SYT16: variants seen among roughly 807,000 people sequenced by gnomAD.
SYT16 encodes the protein synaptotagmin-16.
Under a neutral mutation model 61.4 loss-of-function variants are expected in SYT16, and 42 were observed. The ratio of observed to expected loss-of-function variants is 0.68; its 90% CI spans 0.53 to 0.89. The LOEUF (loss-of-function observed/expected upper bound fraction) is 0.89, where lower values mean the gene tolerates loss of function less well. Ranked by LOEUF, SYT16 falls within the 40% of genes least tolerant of loss-of-function variation. SYT16 has a pLI of 0.00. For missense variants in SYT16, 804 were observed against 807.3 expected (o/e 1.00, Z 0.05); for synonymous variants, 314 against 302.3 (o/e 1.04, Z -0.40).
chr14:62,065,504 G>GA (rs1057264521), intron 3 of SYT16, among the ~76,000 whole-genome samples: 26 of 151,718 alleles, frequency 1.7e-4, no homozygotes, highest in Non-Finnish European at 3.1e-4. Context: ...ATGGCTCACT[G>GA]AAAAAAAATC....
chr14:62,078,522 A>T (rs946127533), intron 5 of SYT16, among the ~76,000 whole-genome samples: 3 of 152,220 alleles, frequency 2.0e-5, no homozygotes, highest in African/African-American at 7.2e-5. Context: ...AAAAAAGCAG[A>T]GCCTACGTAA....
intron 3 of SYT16, among the ~76,000 whole-genome samples, chr14:62,003,326 C>T (rs955209886): frequency 2.6e-5 from 4 of 152,022 alleles, no homozygotes; most frequent in African/African-American, 7.2e-5. Flanking sequence ...TGAAGAACTT[C>T]TAAGTGGGCT....
intron 1 of SYT16, among the ~76,000 whole-genome samples, chr14:61,837,796 C>T (rs1343688383): frequency 6.6e-6 from 1 of 152,210 alleles, no homozygotes; most frequent in African/African-American, 2.4e-5. Context: ...ACCTTGTGGC[C>T]ATGTTTGGGA....
chr14:61,978,752 T>C (rs769549225), intron 2 of SYT16, among the ~76,000 whole-genome samples: 6 of 152,176 alleles, frequency 3.9e-5, no homozygotes, highest in Non-Finnish European at 7.3e-5. Context: ...CATCTGGTGG[T>C]TTCTCCACCT....
intron 5 of SYT16, among the ~76,000 whole-genome samples, chr14:62,078,176 C>T (rs1026497392): frequency 6.9e-5 from 10 of 145,448 alleles, no homozygotes; most frequent in Admixed American, 1.4e-4. Flanking sequence ...TATATAAACA[C>T]ACACACACAC....
intron 3 of SYT16, among the ~76,000 whole-genome samples, chr14:62,003,066 G>T (rs2053085138): frequency 6.6e-6 from 1 of 152,082 alleles, no homozygotes; most frequent in East Asian, 1.9e-4. Context: ...CCCACCACAT[G>T]TGGGGATTAT....
chr14:62,068,954 C>A (rs982646854), intron 3 of SYT16, among the ~76,000 whole-genome samples: 6 of 152,068 alleles, frequency 3.9e-5, no homozygotes, highest in African/African-American at 1.4e-4. Flanking sequence ...TGACACCGTG[C>A]CTGGCTAATT....
intron 1 of SYT16, among the ~76,000 whole-genome samples, chr14:61,926,948 C>G (rs1292690814): frequency 6.6e-6 from 1 of 152,054 alleles, no homozygotes; most frequent in Non-Finnish European, 1.5e-5. Flanking sequence ...TTCTTTTTTA[C>G]TTAGGTGAAA....
At chr14:61,923,366 T>C (rs2049414090) in intron 1 of SYT16, among the ~76,000 whole-genome samples, 1 of 152,240 alleles carries the variant, frequency 6.6e-6, no homozygotes, top group Non-Finnish European at 1.5e-5. Context: ...AAATTCACTG[T>C]ATCAGTTAGG....
rs1228049566 is a variant in SYT16 at position 62,075,163 on chromosome 14, T to C, written c.765T>C (p.Tyr255=). The change falls in exon 5 of 8, where the codon TAT becomes TAC. Residue 255 remains tyrosine (Y), a synonymous_variant. Transcript: ENST00000683842. ...TGGATGGAGCCAGCCAACGGCGTTA[T>C]TCTGAGAATCTCTCCTACGGTGAAG... is the stretch of plus-strand genomic sequence containing the variant. ...EDLDGASQRR[Y]SENLSYGEDD... The C allele has an allele frequency of 6.2e-7, 1 of 1,612,002 alleles. No individual in the cohort carries two copies. Among genetic ancestry groups the C allele is most frequent in the Non-Finnish European group, 8.5e-7 (1 of 1,178,910 alleles).
chr14:61,858,975 C>G (rs1051000335), intron 1 of SYT16, among the ~76,000 whole-genome samples: 1 of 151,660 alleles, frequency 6.6e-6, no homozygotes, highest in African/African-American at 2.4e-5. Flanking sequence ...CTGCCTCAGC[C>G]TCCCGAGTAG....
At chr14:61,955,947 C>T (rs564033326) in intron 1 of SYT16, among the ~76,000 whole-genome samples, 1 of 152,080 alleles carries the variant, frequency 6.6e-6, no homozygotes, top group East Asian at 1.9e-4. Context: ...TCCTCCCCAA[C>T]ACTTGCTCCT....
At chr14:61,944,979 A>C (rs949886486) in intron 1 of SYT16, among the ~76,000 whole-genome samples, 7 of 152,224 alleles carry the variant, frequency 4.6e-5, no homozygotes, top group African/African-American at 1.4e-4. Context: ...AATTTTTGCA[A>C]TCTATCTGTC....
In SYT16 at chr14:61,987,759, A is replaced by G. The variant is rs552740800; in HGVS notation, c.-144-8117A>G. Among the ~76,000 whole-genome samples, 33 of 136,614 alleles carry G rather than the reference A, an allele frequency of 2.4e-4. No homozygotes were observed. The East Asian group carries it at 3.9e-3, about 16-fold the overall frequency. The allele number at this position is 136,614 out of a possible 152,430, so 89.6% of individuals were successfully genotyped here. On this transcript the variant is annotated intron_variant, in intron 2 of 7. Transcript: ENST00000683842. ...GATTTTTTTCCTTTTTTTTTTTTTT[A>G]CCACATTTTTATAAGGCTGATATTA... is the stretch of plus-strand genomic sequence containing the variant.
intron 7 of SYT16, among the ~76,000 whole-genome samples, chr14:62,099,227 C>T (rs1201212440): frequency 6.6e-6 from 1 of 152,096 alleles, no homozygotes; most frequent in Non-Finnish European, 1.5e-5. Flanking sequence ...CTCTGGCAGT[C>T]CCCTGACTAG....
At chr14:62,047,052 C>G (rs1173533956) in intron 3 of SYT16, among the ~76,000 whole-genome samples, 1 of 152,136 alleles carries the variant, frequency 6.6e-6, no homozygotes, top group Non-Finnish European at 1.5e-5. Context: ...GGCAGTATGG[C>G]CATTTTCACA....
intron 3 of SYT16, among the ~76,000 whole-genome samples, chr14:62,033,938 A>ATTT (rs1275873087): frequency 3.9e-5 from 6 of 152,162 alleles, no homozygotes; most frequent in Non-Finnish European, 8.8e-5. Context: ...AGAATGAGGG[A>ATTT]AAGCACTTGC....
At chr14:61,833,727 T>TTTTTTTA (rs2046022418) in intron 1 of SYT16, among the ~76,000 whole-genome samples, 2 of 141,612 alleles carry the variant, frequency 1.4e-5, no homozygotes, top group African/African-American at 5.3e-5. Context: ...TTTTTTTTTT[T>TTTTTTTA]AAATTTAAAT....
rs78263653 is a variant in SYT16, at chr14:61,968,377, A to T, written c.-324-1755A>T. 1.6e-3 allele frequency among the ~76,000 whole-genome samples: 247 copies of T among 152,248 alleles called. 7 individuals are homozygous for T. The East Asian group carries it at 0.044, about 27-fold the overall frequency. On this transcript the variant is annotated intron_variant, in intron 1 of 7. Transcript: ENST00000683842. The stretch of plus-strand genomic sequence containing the variant: ...GGTGGTGAGGAGGGAATTTTAAAGG[A>T]TGGGAGACACCTGGTTCATTTCTCA...
Sources: allele counts gnomAD v4.1 joint callset (sites outside exome capture counted in the v4.1 genomes callset), GRCh38; gene constraint gnomAD v4.1.1; transcripts MANE v1.5; gene names NCBI Gene and HGNC (gene_info 2026-07-23, HGNC 2026-07-21).